Variants in SLC7A11 observed in about 807,000 individuals in gnomAD.
SLC7A11 encodes solute carrier family 7 member 11.
Under a neutral mutation model 54.5 loss-of-function variants are expected in SLC7A11, and 35 were observed. That is an observed-to-expected ratio of 0.64 (90% CI 0.49 to 0.85). SLC7A11 has a LOEUF of 0.85. Ranked by LOEUF, SLC7A11 falls within the 40% of genes least tolerant of loss-of-function variation. The probability of loss-of-function intolerance (pLI) is 0.00; values close to 1 mark genes in which losing one functional copy is unlikely to be tolerated. For synonymous variants in SLC7A11, 230 were observed against 225.2 expected (o/e 1.02, Z -0.19); for missense variants, 583 against 618.1 (o/e 0.94, Z 0.60).
At chr4:138,241,652 C>T in intron 1 of SLC7A11, 141 bp downstream of exon 1, 1 of 643,052 alleles carries the variant, frequency 1.6e-6, no homozygotes. Flanking sequence ...CTGGGTAGTT[C>T]ACGTACCCGA....
intron 5 of SLC7A11, among the ~76,000 whole-genome samples, chr4:138,216,452 G>A (rs1737683185): frequency 6.6e-6 from 1 of 152,106 alleles, no homozygotes; most frequent in South Asian, 2.1e-4. Context: ...GAGTTCCCCA[G>A]GGCCACAAGG....
chr4:138,177,336 A>C (rs1313901489), intron 11 of SLC7A11: 1 of 152,118 alleles, frequency 6.6e-6, no homozygotes, highest in Non-Finnish European at 1.5e-5. Context: ...AAAGTATGAA[A>C]GCTATGTTCT....
At chr4:138,179,953 A>G (rs1020867689) in intron 10 of SLC7A11, among the ~76,000 whole-genome samples, 4 of 152,180 alleles carry the variant, frequency 2.6e-5, no homozygotes, top group African/African-American at 7.2e-5. Flanking sequence ...AAATCCTGAC[A>G]ACATGACTGA....
At position 138,236,376 on chromosome 4, in the gene SLC7A11, A is replaced by G; in HGVS notation, c.353T>C (p.Phe118Ser). ...GGHYTYILEV[F>S]GPLPAFVRVW... ...TCGTACAAAAGCTGGTAATGGACCA[A>G]AGACTTCCAAAATATATGTGTAATG... is the stretch of plus-strand genomic sequence containing the variant. The change falls in exon 2 of 12, where the codon TTT becomes TCT. Residue 118 changes from phenylalanine to serine, a missense_variant. Phe to Ser is a radical substitution (Grantham distance 155). Transcript: ENST00000280612. 6.2e-7 allele frequency: 1 copy of G among 1,613,652 alleles called. No homozygotes were observed. Among genetic ancestry groups the G allele is most frequent in the Non-Finnish European group, 8.5e-7 (1 of 1,179,650 alleles).
intron 6 of SLC7A11, among the ~76,000 whole-genome samples, chr4:138,200,628 T>C (rs1737254153): frequency 6.6e-6 from 1 of 152,120 alleles, no homozygotes; most frequent in Non-Finnish European, 1.5e-5. Flanking sequence ...TAGAAAAGGA[T>C]CAGGATTTTA....
intron 5 of SLC7A11, among the ~76,000 whole-genome samples, chr4:138,217,988 A>C (rs1737720134): frequency 6.6e-6 from 1 of 152,202 alleles, no homozygotes; most frequent in African/African-American, 2.4e-5. Flanking sequence ...TATTCTGGGA[A>C]TATACAAATA....
chr4:138,172,802 C>A (rs1736467109), intron 11 of SLC7A11, among the ~76,000 whole-genome samples: 1 of 152,106 alleles, frequency 6.6e-6, no homozygotes, highest in African/African-American at 2.4e-5. Flanking sequence ...AACTCTATGA[C>A]CTTGGTTTCT....
chr4:138,238,594 A>AT (rs1738298642), intron 1 of SLC7A11, among the ~76,000 whole-genome samples: 1 of 135,268 alleles, frequency 7.4e-6, no homozygotes, highest in African/African-American at 2.7e-5. Flanking sequence ...ACCTAGGAAT[A>AT]ATTTTTTTTT....
rs940355825 is a variant in SLC7A11 at position 138,172,029 on chromosome 4, T to TA, written c.1445-13dup. 3 of 1,573,534 alleles carry TA rather than the reference T, an allele frequency of 1.9e-6. No homozygotes were observed. The highest frequency in any genetic ancestry group is 4.6e-5 in the East Asian group (2 of 43,476). On this transcript the variant is annotated splice_polypyrimidine_tract_variant and intron_variant, in intron 11 of 11. Transcript: ENST00000280612. ...TCTGGTTATTTTCTCTACAAAGAAA[T>TA]AAAAATGAATTAAAAATGCATGGAA...
chr4:138,195,844 A>T (rs1051381398), intron 6 of SLC7A11, among the ~76,000 whole-genome samples: 4 of 152,154 alleles, frequency 2.6e-5, no homozygotes, highest in Non-Finnish European at 4.4e-5. Flanking sequence ...ATTTTTGAGA[A>T]GGGTTGTCAG....
chr4:138,223,525 T>G (rs1175511906), intron 3 of SLC7A11, among the ~76,000 whole-genome samples: 2 of 152,196 alleles, frequency 1.3e-5, no homozygotes, highest in East Asian at 3.8e-4. Flanking sequence ...AGCTGGTTTT[T>G]ATGCACATTG....
intron 2 of SLC7A11, among the ~76,000 whole-genome samples, chr4:138,236,090 AG>A (rs1357349428): frequency 2.0e-5 from 3 of 152,218 alleles, no homozygotes; most frequent in Non-Finnish European, 4.4e-5. Flanking sequence ...GGTCAAAGAA[AG>A]GTAGATATTT....
At chr4:138,174,116 G>C (rs1736505996) in intron 11 of SLC7A11, among the ~76,000 whole-genome samples, 1 of 152,078 alleles carries the variant, frequency 6.6e-6, no homozygotes, top group Admixed American at 6.6e-5. Flanking sequence ...ATAGCCTCCT[G>C]AACTAATCTC....
At chr4:138,184,678 C>T (rs1347246159) in intron 7 of SLC7A11, among the ~76,000 whole-genome samples, 1 of 152,002 alleles carries the variant, frequency 6.6e-6, no homozygotes, top group Non-Finnish European at 1.5e-5. Context: ...CTAGGAAAAC[C>T]AAATTTATAT....
At chr4:138,189,811 T>C (rs764534179) in intron 6 of SLC7A11, among the ~76,000 whole-genome samples, 1 of 152,132 alleles carries the variant, frequency 6.6e-6, no homozygotes, top group Non-Finnish European at 1.5e-5. Context: ...TCATTTTCGC[T>C]AAAAGTGATC....
chr4:138,226,354 C>A (rs1025812709), intron 3 of SLC7A11, among the ~76,000 whole-genome samples: 2 of 152,100 alleles, frequency 1.3e-5, no homozygotes, highest in Non-Finnish European at 2.9e-5. Context: ...CTTTATCAAA[C>A]TGTACATTTA....
chr4:138,208,476 G>A (rs1203566355), intron 6 of SLC7A11, among the ~76,000 whole-genome samples: 1 of 152,020 alleles, frequency 6.6e-6, no homozygotes, highest in Non-Finnish European at 1.5e-5. Context: ...ACATCTCAAT[G>A]ATATGTTCTT....
At chr4:138,194,895 T>G (rs1737095284) in intron 6 of SLC7A11, among the ~76,000 whole-genome samples, 2 of 152,234 alleles carry the variant, frequency 1.3e-5, no homozygotes, top group South Asian at 4.1e-4. Context: ...CCCTAAAGAT[T>G]GTTTAATAGA....
At chr4:138,209,059 A>G (rs939494203) in intron 6 of SLC7A11, among the ~76,000 whole-genome samples, 4 of 152,054 alleles carry the variant, frequency 2.6e-5, no homozygotes, top group Non-Finnish European at 5.9e-5. Flanking sequence ...AATTTGAAAG[A>G]TGTCTCAAAA....
Sources: allele counts gnomAD v4.1 joint callset (sites outside exome capture counted in the v4.1 genomes callset), GRCh38; gene constraint gnomAD v4.1.1; transcripts MANE v1.5; gene names NCBI Gene and HGNC (gene_info 2026-07-23, HGNC 2026-07-21).